LMO7: variants seen among roughly 807,000 people sequenced by gnomAD.
The protein encoded by LMO7 is LIM domain 7.
A neutral mutation model predicts 206.5 loss-of-function variants in LMO7; 120 were observed. The observed-to-expected ratio is 0.58, with a 90% CI of 0.50 to 0.68. The LOEUF is 0.68. Ranked by LOEUF, LMO7 falls within the 30% of genes least tolerant of loss-of-function variation. The pLI is 0.00. For synonymous variants in LMO7, 706 were observed against 681.5 expected (o/e 1.04, Z -0.56); for missense variants, 1,959 against 1,957.9 (o/e 1.00, Z -0.01).
At chr13:75,671,839 G>T (rs1427626476) in intron 1 of LMO7, among the ~76,000 whole-genome samples, 1 of 152,098 alleles carries the variant, frequency 6.6e-6, no homozygotes, top group African/African-American at 2.4e-5. Context: ...CCAGCCTGTT[G>T]CCTGTCTCCC....
At position 75,828,267 on chromosome 13, in the gene LMO7, G is replaced by A. The variant is rs189819264; in HGVS notation, c.2949+4394G>A. 3.9e-5 allele frequency among the ~76,000 whole-genome samples: 6 copies of A among 152,272 alleles called. No homozygotes were observed. The East Asian group carries it at 1.2e-3, about 29-fold the overall frequency. ...ATTATCTCAATAACTCTGCAAAGTAGGTGTATTATCCCCGTTTTTACCAAT... is the reference window on the plus strand; with the variant it reads ...ATTATCTCAATAACTCTGCAAAGTAAGTGTATTATCCCCGTTTTTACCAAT... On this transcript the variant is annotated intron_variant, in intron 15 of 30. Transcript: ENST00000377534.
At chr13:75,681,718 G>A (rs111452431) in intron 1 of LMO7, among the ~76,000 whole-genome samples, 22,230 of 101,798 alleles carry the variant, frequency 0.22, 3,617 homozygotes, top group Non-Finnish European at 0.31. Context: ...ATATATATAT[G>A]TATATATATA....
intron 7 of LMO7, 152 bp downstream of exon 7, chr13:75,801,034 A>G (rs1248976047): frequency 2.0e-5 from 14 of 694,672 alleles, no homozygotes; most frequent in Non-Finnish European, 3.2e-5. Flanking sequence ...GGGTTTTGTT[A>G]TTTTTTTCTC....
intron 4 of LMO7, among the ~76,000 whole-genome samples, chr13:75,784,899 G>A (rs1439345830): frequency 6.6e-6 from 1 of 152,106 alleles, no homozygotes; most frequent in African/African-American, 2.4e-5. Context: ...TAAGGACCCA[G>A]CAGTGGTAAA....
intron 4 of LMO7, among the ~76,000 whole-genome samples, chr13:75,779,386 A>T (rs9573658): frequency 0.36 from 53,946 of 151,846 alleles, 9,943 homozygotes; most frequent in East Asian, 0.58. Flanking sequence ...AAGGTTTTGC[A>T]AGATATTCAA....
At chr13:75,677,832 C>A (rs2040149148) in intron 1 of LMO7, among the ~76,000 whole-genome samples, 1 of 140,338 alleles carries the variant, frequency 7.1e-6, no homozygotes, top group African/African-American at 2.7e-5. Flanking sequence ...GTGATGTTCC[C>A]CTTCTTGTGT....
intron 1 of LMO7, among the ~76,000 whole-genome samples, chr13:75,650,428 C>T (rs1185214895): frequency 1.3e-5 from 2 of 151,922 alleles, no homozygotes; most frequent in Non-Finnish European, 2.9e-5. Context: ...GTACCTGGCC[C>T]GTTTTTTTTT....
intron 9 of LMO7, 150 bp from the exon 10 acceptor site, chr13:75,807,330 C>A: frequency 1.4e-6 from 1 of 726,572 alleles, no homozygotes; most frequent in Non-Finnish European, 2.2e-6. Flanking sequence ...GTTTTCCTAG[C>A]AAGAGTCCCC....
At position 75,841,130 on chromosome 13, in the gene LMO7, G is replaced by A. The variant is rs770237398; in HGVS notation, c.3604G>A (p.Glu1202Lys). ...ATAGGAAAAATATCAACGTGAGCAG[G>A]AGAAACTGAGGGAAGAGTGGCAAAG... Reference protein sequence around the residue: ...LLQEKYQREQEKLREEWQRAK... With the variant: ...LLQEKYQREQKKLREEWQRAK... Residue 1202 changes from glutamate to lysine, a missense_variant, in exon 23 of 31, where the codon GAG becomes AAG. By Grantham distance (56) the Glu-to-Lys change is moderately conservative (BLOSUM62 1). Transcript: ENST00000377534. 8 of 1,612,372 alleles carry A rather than the reference G, an allele frequency of 5.0e-6. No individual in the cohort carries two copies. In the South Asian group the frequency reaches 6.6e-5, roughly 13 times the overall value.
chr13:75,621,865 A>G (rs766290026), exon 1 of LMO7: 1 of 1,592,978 alleles, frequency 6.3e-7, no homozygotes, highest in South Asian at 1.2e-5. Flanking sequence ...CTGCAGCAAA[A>G]AAGGTAATAA....
intron 14 of LMO7, among the ~76,000 whole-genome samples, chr13:75,822,762 CTA>C (rs66789925): frequency 0.29 from 30,946 of 107,674 alleles, 3,891 homozygotes; most frequent in African/African-American, 0.38. Flanking sequence ...TTTTTAGAAA[CTA>C]TATATATATA....
intron 3 of LMO7, among the ~76,000 whole-genome samples, chr13:75,756,329 A>G (rs1425773533): frequency 6.6e-6 from 1 of 152,208 alleles, no homozygotes; most frequent in African/African-American, 2.4e-5. Flanking sequence ...ATTTGCAGAA[A>G]CACTGCCAGC....
chr13:75,635,886 C>G (rs1457544358), upstream of LMO7: 6 of 153,062 alleles, frequency 3.9e-5, no homozygotes, highest in African/African-American at 1.4e-4. Flanking sequence ...CTGGCCGGGG[C>G]TCAGGTGAGG....
intron 6 of LMO7, among the ~76,000 whole-genome samples, chr13:75,797,386 C>T (rs2054166150): frequency 6.6e-6 from 1 of 152,176 alleles, no homozygotes; most frequent in South Asian, 2.1e-4. Context: ...AGCCAAGTGC[C>T]AGGACTGACC....
In LMO7 at chr13:75,734,325, A is replaced by G. The variant is rs139199689; in HGVS notation, c.210+7227A>G. Among the ~76,000 whole-genome samples, 1,156 of 152,330 alleles carry G rather than the reference A, an allele frequency of 7.6e-3. 16 individuals carry two copies. Among genetic ancestry groups the G allele is most frequent in the African/African-American group, 0.026 (1,080 of 41,562 alleles). ...TACAATCAAATACAAATGATGGATA[A>G]TTTTTAAAATGTTAGAAATCCTTAA... is the stretch of plus-strand genomic sequence containing the variant. On this transcript the variant is annotated intron_variant, in intron 3 of 30. Transcript: ENST00000377534.
intron 1 of LMO7, among the ~76,000 whole-genome samples, chr13:75,656,856 G>C (rs2038105979): frequency 6.6e-6 from 1 of 152,142 alleles, no homozygotes; most frequent in Non-Finnish European, 1.5e-5. Flanking sequence ...GAGTCATCAG[G>C]CCTAGGGTGA....
intron 1 of LMO7, among the ~76,000 whole-genome samples, chr13:75,658,315 G>A (rs1341465973): frequency 6.6e-6 from 1 of 151,768 alleles, no homozygotes; most frequent in Non-Finnish European, 1.5e-5. Flanking sequence ...TTCCATACAA[G>A]CTTTAGAATT....
chr13:75,795,512 ATACTC>A, intron 5 of LMO7, 81 bp downstream of exon 5: 1 of 918,514 alleles, frequency 1.1e-6, no homozygotes, highest in South Asian at 1.5e-5. Context: ...ATCTAAAAGT[ATACTC>A]TACATCTCTT....
intron 17 of LMO7, among the ~76,000 whole-genome samples, chr13:75,834,971 T>A (rs568104219): frequency 6.6e-6 from 1 of 152,332 alleles, no homozygotes; most frequent in South Asian, 2.1e-4. Flanking sequence ...GATTTAACCC[T>A]TGTGTTTTGG....
Sources: gnomAD v4.1 joint callset for allele counts (sites outside exome capture counted in the v4.1 genomes callset) on GRCh38, gnomAD v4.1.1 for gene constraint, MANE v1.5 for transcripts, NCBI Gene and HGNC (gene_info 2026-07-23, HGNC 2026-07-21) for gene names.